CLSTN2: variants seen among roughly 807,000 people sequenced by gnomAD.
The protein encoded by CLSTN2 is calsyntenin 2.
CLSTN2 carries 48 observed loss-of-function variants against 101.2 expected under a neutral mutation model. The ratio of observed to expected loss-of-function variants is 0.47; its 90% CI spans 0.38 to 0.60. CLSTN2 has a LOEUF of 0.60. CLSTN2 is among the 20% of genes least tolerant of loss of function. The pLI, the probability that CLSTN2 is intolerant of heterozygous loss-of-function variation, is 0.00. For missense variants in CLSTN2, 1,160 were observed against 1,238.2 expected, an observed-to-expected ratio of 0.94 and a Z score of 0.95; for synonymous variants, 481 against 463.6, an observed-to-expected ratio of 1.04 and a Z score of -0.48.
intron 1 of CLSTN2, among the ~76,000 whole-genome samples, chr3:140,159,906 C>T (rs1008011054): frequency 6.6e-6 from 1 of 152,064 alleles, no homozygotes; most frequent in African/African-American, 2.4e-5. Flanking sequence ...CAAATTAGTG[C>T]AGGAATAGAA....
chr3:140,199,347 C>T (rs1408273715), intron 2 of CLSTN2, among the ~76,000 whole-genome samples: 2 of 152,088 alleles, frequency 1.3e-5, no homozygotes, highest in Admixed American at 1.3e-4. Context: ...CTTTCCTGAC[C>T]ATCAGAATCA....
intron 1 of CLSTN2, among the ~76,000 whole-genome samples, chr3:140,167,883 C>G (rs1158303670): frequency 6.6e-6 from 1 of 152,114 alleles, no homozygotes; most frequent in African/African-American, 2.4e-5. Context: ...TTATATGGAT[C>G]AGTAGTTGTT....
chr3:140,056,618 A>G (rs902918725), intron 1 of CLSTN2, among the ~76,000 whole-genome samples: 18 of 152,220 alleles, frequency 1.2e-4, no homozygotes, highest in Non-Finnish European at 2.4e-4. Context: ...ACTGAGAAAG[A>G]GTAGAGAGGA....
intron 2 of CLSTN2, among the ~76,000 whole-genome samples, chr3:140,182,381 C>T (rs905018912): frequency 5.9e-5 from 9 of 152,272 alleles, no homozygotes; most frequent in African/African-American, 2.2e-4. Flanking sequence ...GTGAGAACCA[C>T]ATGGGATATT....
At chr3:139,977,524 C>T (rs1031370377) in intron 1 of CLSTN2, among the ~76,000 whole-genome samples, 2 of 129,010 alleles carry the variant, frequency 1.6e-5, no homozygotes, top group Non-Finnish European at 3.5e-5. Flanking sequence ...CTGTTTTTAC[C>T]CCCTTACTCA....
intron 2 of CLSTN2, among the ~76,000 whole-genome samples, chr3:140,221,266 AT>A: frequency 6.6e-6 from 1 of 152,284 alleles, no homozygotes; most frequent in East Asian, 1.9e-4. Flanking sequence ...GCCAAAACTC[AT>A]TTGGTAAAAA....
At chr3:140,432,893 G>A (rs116800475) in intron 5 of CLSTN2, among the ~76,000 whole-genome samples, 1,713 of 152,280 alleles carry the variant, frequency 0.011, 29 homozygotes, top group African/African-American at 0.038. Context: ...TATTTGCCAA[G>A]CCTTATCTAA....
intron 1 of CLSTN2, among the ~76,000 whole-genome samples, chr3:140,110,118 G>T (rs1297917599): frequency 2.0e-5 from 3 of 152,120 alleles, no homozygotes; most frequent in African/African-American, 7.2e-5. Context: ...CTTAAAATCT[G>T]CAAATATTGG....
chr3:140,318,263 G>T (rs2087248038), intron 2 of CLSTN2, among the ~76,000 whole-genome samples: 1 of 152,182 alleles, frequency 6.6e-6, no homozygotes, highest in African/African-American at 2.4e-5. Context: ...AAGGCCATGA[G>T]ACACAGGGAA....
chr3:140,004,549 C>G (rs984851528), intron 1 of CLSTN2, among the ~76,000 whole-genome samples: 1 of 152,208 alleles, frequency 6.6e-6, no homozygotes, highest in African/African-American at 2.4e-5. Flanking sequence ...GAGAGCCTCT[C>G]TGATGCTGGG....
chr3:140,264,050 GA>G (rs59693033), intron 2 of CLSTN2, among the ~76,000 whole-genome samples: 4,687 of 152,188 alleles, frequency 0.031, 155 homozygotes, highest in African/African-American at 0.075. Context: ...GCAGAGTGGT[GA>G]AAAATTTAAG....
At position 140,547,734 on chromosome 3, in the gene CLSTN2, T is replaced by C. The variant is rs187052200; in HGVS notation, c.1674+1053T>C. On this transcript the variant is annotated intron_variant, in intron 10 of 16. Coordinates refer to ENST00000458420, the MANE Select transcript of CLSTN2 (RefSeq NM_022131.3). Reference sequence around the variant, plus strand: ...TCACCTGGACTTACAGAGCGAGCACTTGTTGGCACCTGCCCATGAGGTCCT... The same window carrying C: ...TCACCTGGACTTACAGAGCGAGCACCTGTTGGCACCTGCCCATGAGGTCCT... Among the ~76,000 whole-genome samples, 4 of 152,234 alleles carry C rather than the reference T, an allele frequency of 2.6e-5. No individual in the cohort carries two copies. In the East Asian group the frequency reaches 7.7e-4, roughly 29 times the overall value.
At position 140,173,017 on chromosome 3, in the gene CLSTN2, C is replaced by T. The variant is rs573931504; in HGVS notation, c.110-2934C>T. ...TCCTCACATTTCAAAAACAATCATG[C>T]CTTCCCAACAGTCCCCCAAAGTCTT... On this transcript the variant is annotated intron_variant, in intron 1 of 16. Transcript: ENST00000458420. Among the ~76,000 whole-genome samples the T allele has an allele frequency of 1.4e-4, 22 of 152,298 alleles. No individual in the cohort carries two copies. The South Asian group carries it at 4.4e-3, about 30-fold the overall frequency.
At chr3:140,050,185 G>A (rs1182170271) in intron 1 of CLSTN2, among the ~76,000 whole-genome samples, 3 of 152,170 alleles carry the variant, frequency 2.0e-5, no homozygotes, top group Non-Finnish European at 2.9e-5. Flanking sequence ...ATAATCTTGA[G>A]CAAATCCACA....
intron 2 of CLSTN2, among the ~76,000 whole-genome samples, chr3:140,379,001 G>C (rs2087950336): frequency 1.3e-5 from 2 of 152,168 alleles, no homozygotes; most frequent in African/African-American, 4.8e-5. Flanking sequence ...CTTGAGATCT[G>C]AAGTCTTTAT....
chr3:139,994,439 T>C (rs1282151031), intron 1 of CLSTN2, among the ~76,000 whole-genome samples: 1 of 152,210 alleles, frequency 6.6e-6, no homozygotes, highest in Admixed American at 6.5e-5. Flanking sequence ...GATGCCTTAC[T>C]TTAGACTTCT....
intron 8 of CLSTN2, among the ~76,000 whole-genome samples, chr3:140,484,804 G>A (rs922814851): frequency 1.3e-5 from 2 of 152,136 alleles, no homozygotes; most frequent in African/African-American, 4.8e-5. Flanking sequence ...GTGGTTTTCA[G>A]CTCCATCAGG....
chr3:140,320,008 C>G (rs1576514094), intron 2 of CLSTN2, among the ~76,000 whole-genome samples: 1 of 152,326 alleles, frequency 6.6e-6, no homozygotes, highest in African/African-American at 2.4e-5. Flanking sequence ...AACAAACGTC[C>G]TTGTCATGCC....
chr3:140,061,590 G>A (rs747207600), intron 1 of CLSTN2, among the ~76,000 whole-genome samples: 12 of 152,162 alleles, frequency 7.9e-5, no homozygotes, highest in Non-Finnish European at 7.3e-5. Flanking sequence ...CTCTGGCCTG[G>A]AGTCCCCTCC....
Sources: allele counts gnomAD v4.1 joint callset (sites outside exome capture counted in the v4.1 genomes callset), GRCh38; gene constraint gnomAD v4.1.1; transcripts MANE v1.5; gene names NCBI Gene and HGNC (gene_info 2026-07-23, HGNC 2026-07-21).